The following PIGU variants were observed in gnomAD, a reference collection of about 807,000 sequenced individuals.
PIGU encodes the protein GPI-anchor transamidase component PIGU.
A neutral mutation model predicts 49.9 loss-of-function variants in PIGU; 24 were observed. That is an observed-to-expected ratio of 0.48 (90% CI 0.35 to 0.68). The LOEUF is 0.68. Ranked by LOEUF, PIGU falls within the 30% of genes least tolerant of loss-of-function variation. PIGU has a pLI of 0.01. For missense variants in PIGU, 490 were observed against 532.6 expected (o/e 0.92, Z 0.79); for synonymous variants, 220 against 205.7 (o/e 1.07, Z -0.59).
intron 1 of PIGU, among the ~76,000 whole-genome samples, chr20:34,668,661 C>T (rs1402589011): frequency 2.0e-5 from 3 of 149,792 alleles, no homozygotes; most frequent in Non-Finnish European, 3.0e-5. Context: ...CCCAGCTACT[C>T]GGGAGGCTGA....
At chr20:34,570,150 AAGG>A (rs1408429328) in intron 11 of PIGU, among the ~76,000 whole-genome samples, 1 of 152,262 alleles carries the variant, frequency 6.6e-6, no homozygotes, top group Non-Finnish European at 1.5e-5. Flanking sequence ...CTCAAATAAA[AAGG>A]AGGTTCCTCT....
chr20:34,648,830 T>G (rs1986438912), intron 2 of PIGU, among the ~76,000 whole-genome samples: 1 of 152,154 alleles, frequency 6.6e-6, no homozygotes, highest in Non-Finnish European at 1.5e-5. Context: ...ATTACAGGCA[T>G]GAGCCACTGC....
chr20:34,668,188 C>G (rs910211250), intron 1 of PIGU, among the ~76,000 whole-genome samples: 1 of 151,974 alleles, frequency 6.6e-6, no homozygotes, highest in Admixed American at 6.6e-5. Flanking sequence ...TGTGGCCAGG[C>G]GCGGTGGCTC....
intron 7 of PIGU, among the ~76,000 whole-genome samples, chr20:34,606,915 C>G (rs1984637246): frequency 6.6e-6 from 1 of 152,152 alleles, no homozygotes; most frequent in Admixed American, 6.5e-5. Context: ...CACCCACCAC[C>G]AAGCCTGGCT....
chr20:34,602,975 G>C (rs536689995), intron 7 of PIGU, among the ~76,000 whole-genome samples: 3 of 150,772 alleles, frequency 2.0e-5, no homozygotes, highest in African/African-American at 7.3e-5. Flanking sequence ...TAAAATTTTT[G>C]ATACAATTTT....
At chr20:34,634,770 C>T (rs1043649118) in intron 5 of PIGU, 55 bp from the exon 6 acceptor site, 1 of 1,587,138 alleles carries the variant, frequency 6.3e-7, no homozygotes. Flanking sequence ...GAGCCCTCGC[C>T]ATTACAGCAA....
At chr20:34,646,445 G>A (rs1986346887) in intron 2 of PIGU, among the ~76,000 whole-genome samples, 2 of 152,204 alleles carry the variant, frequency 1.3e-5, no homozygotes, top group African/African-American at 2.4e-5. Context: ...GTCTCGCTCT[G>A]TCACCCAGGC....
intron 2 of PIGU, among the ~76,000 whole-genome samples, chr20:34,650,159 A>G (rs1470470576): frequency 6.6e-6 from 1 of 151,384 alleles, no homozygotes; most frequent in African/African-American, 2.4e-5. Context: ...TACATTTTTA[A>G]TTTATTATGT....
intron 7 of PIGU, among the ~76,000 whole-genome samples, chr20:34,588,829 T>C (rs1600603978): frequency 6.6e-6 from 1 of 152,190 alleles, no homozygotes; most frequent in African/African-American, 2.4e-5. Context: ...GTATGTATCC[T>C]GGAGACAAGT....
intron 7 of PIGU, among the ~76,000 whole-genome samples, chr20:34,598,802 G>A (rs1395780314): frequency 6.6e-6 from 1 of 152,218 alleles, no homozygotes; most frequent in Non-Finnish European, 1.5e-5. Context: ...ATCTCCAAGG[G>A]AAGAAGTTAC....
chr20:34,585,576 A>G lies in PIGU; in HGVS notation c.787T>C (p.Ser263Pro). The change falls in exon 9 of 12, where the codon TCT becomes CCT. Residue 263 changes from serine to proline, a missense_variant. Physicochemically the swap from Ser to Pro is moderately conservative, Grantham distance 74. Coordinates refer to ENST00000217446, the MANE Select transcript of PIGU (RefSeq NM_080476.5). ...ATGTTTGGAGTGAGATCTGGAACAG[A>G]AAGTCTGGAATTAAGAAAACAAAGG... ...FIPAVYGFIL[S>P]VPDLTPNIGL... The G allele has an allele frequency of 6.2e-7, 1 of 1,613,076 alleles. No homozygotes were observed. The highest frequency in any genetic ancestry group is 1.1e-5 in the South Asian group (1 of 91,018).
Position 34,671,101 on chromosome 20 carries a change from C to T in PIGU, c.130+5855G>A, listed in dbSNP as rs145405807. 3.3e-5 allele frequency among the ~76,000 whole-genome samples: 5 copies of T among 152,306 alleles called. No homozygotes were observed. The East Asian group carries it at 7.7e-4, about 23-fold the overall frequency. On this transcript the variant is annotated intron_variant, in intron 1 of 11. Transcript: ENST00000217446. ...ATATTATTAGCGAGGTCACCTTGGG[C>T]AAATGACTTAATCTCTCCATGCCTC...
At chr20:34,576,654 C>T (rs1983246753) in intron 10 of PIGU, among the ~76,000 whole-genome samples, 1 of 152,164 alleles carries the variant, frequency 6.6e-6, no homozygotes, top group East Asian at 1.9e-4. Context: ...TGGAATCTCA[C>T]TACATTGCCC....
intron 7 of PIGU, among the ~76,000 whole-genome samples, chr20:34,591,545 A>C (rs142911625): frequency 6.6e-6 from 1 of 152,332 alleles, no homozygotes; most frequent in Non-Finnish European, 1.5e-5. Context: ...ACTTCAAGGA[A>C]TCTTTATCAT....
At chr20:34,648,598 G>C (rs1986429295) in intron 2 of PIGU, among the ~76,000 whole-genome samples, 1 of 152,078 alleles carries the variant, frequency 6.6e-6, no homozygotes, top group African/African-American at 2.4e-5. Flanking sequence ...GGCCAGGCAG[G>C]AGTGCAGTGG....
At chr20:34,627,150 T>C (rs1021981106) in intron 6 of PIGU, among the ~76,000 whole-genome samples, 1 of 152,146 alleles carries the variant, frequency 6.6e-6, no homozygotes, top group African/African-American at 2.4e-5. Flanking sequence ...GGAAAACAAA[T>C]GTCCAACAAA....
intron 11 of PIGU, among the ~76,000 whole-genome samples, chr20:34,573,938 A>G (rs1568621445): frequency 6.6e-6 from 1 of 152,254 alleles, no homozygotes; most frequent in Non-Finnish European, 1.5e-5. Flanking sequence ...CACCAGTCCC[A>G]TCACTCACTG....
At chr20:34,634,522 T>TAAAAAA in intron 6 of PIGU, 93 bp downstream of exon 6, 2 of 1,204,640 alleles carry the variant, frequency 1.7e-6, no homozygotes, top group East Asian at 3.1e-5. Context: ...AGTGTTGCAT[T>TAAAAAA]AAAAAAAAAA....
chr20:34,674,039 T>C (rs1402070314), intron 1 of PIGU, among the ~76,000 whole-genome samples: 2 of 141,706 alleles, frequency 1.4e-5, no homozygotes, highest in Admixed American at 7.2e-5. Context: ...GGCAACAGAC[T>C]GAGACTCCAT....
Sources: allele counts gnomAD v4.1 joint callset (sites outside exome capture counted in the v4.1 genomes callset), GRCh38; gene constraint gnomAD v4.1.1; transcripts MANE v1.5; gene names NCBI Gene and HGNC (gene_info 2026-07-23, HGNC 2026-07-21).